PRR14L: variants seen among roughly 807,000 people sequenced by gnomAD.
PRR14L encodes the protein protein PRR14L.
Under a neutral mutation model 155.0 loss-of-function variants are expected in PRR14L, and 80 were observed. The observed-to-expected ratio is 0.52, with a 90% CI of 0.43 to 0.62. PRR14L has a LOEUF of 0.62. Among genes scored for constraint, PRR14L ranks in the 20% least tolerant of loss-of-function variants. PRR14L has a pLI of 0.00. For synonymous variants in PRR14L, 883 were observed against 916.0 expected (o/e 0.96, Z 0.65); for missense variants, 2,469 against 2,548.0 (o/e 0.97, Z 0.67).
At position 31,713,893 on chromosome 22, in the gene PRR14L, C is replaced by T. The variant is rs61461793; in HGVS notation, c.3946G>A (p.Glu1316Lys). 2.0e-3 allele frequency: 3,097 copies of T among 1,551,992 alleles called. 45 individuals are homozygous for T. The African/African-American group carries it at 0.031, about 15-fold the overall frequency. ...KNACKACHPH[E>K]NSSDRHLPLT... The stretch of plus-strand genomic sequence containing the variant: ...GGCAAATGTCTGTCAGAGGAATTCT[C>T]GTGAGGGTGACAAGCTTTGCAAGCA... The change falls in exon 4 of 9, where the codon GAG becomes AAG. Residue 1316 changes from glutamate to lysine, a missense_variant. Physicochemically the swap from Glu to Lys is moderately conservative, Grantham distance 56. Around this residue, in one of 2 missense-constraint regions of PRR14L, gnomAD observed 2,363 missense variants for 2,371.6 expected, o/e 1.00. Coordinates refer to ENST00000327423, the MANE Select transcript of PRR14L (RefSeq NM_173566.3).
At chr22:31,740,576 G>A (rs1356606513) in intron 1 of PRR14L, among the ~76,000 whole-genome samples, 3 of 151,368 alleles carry the variant, frequency 2.0e-5, no homozygotes, top group South Asian at 4.2e-4. Flanking sequence ...GTCCAGGCTC[G>A]TCTCCAACTC....
chr22:31,738,507 CTCCATGCTCTCGCTTCTCTTTGCCCTA>C lies in PRR14L; in HGVS notation c.327_353del (p.Asp109_Met117del), dbSNP rs1257619189. The C allele has an allele frequency of 7.7e-6, 12 of 1,551,950 alleles. No individual in the cohort carries two copies. Among genetic ancestry groups the C allele is most frequent in the East Asian group, 7.3e-5 (3 of 40,936 alleles). On this transcript the variant is annotated inframe_deletion, in exon 2 of 9. Coordinates refer to ENST00000327423, the MANE Select transcript of PRR14L (RefSeq NM_173566.3). ...CCCCTGGATCTCTGAAGACCTTTGG[CTCCATGCTCTCGCTTCTCTTTGCCCTA>C]TCCAAGATCCCAGATGCCACAGAAC...
At chr22:31,742,748 A>G (rs2074819192) in intron 1 of PRR14L, among the ~76,000 whole-genome samples, 1 of 152,196 alleles carries the variant, frequency 6.6e-6, no homozygotes, top group South Asian at 2.1e-4. Context: ...ACATATGTCC[A>G]CATAAAAATT....
At chr22:31,712,054 A>G in intron 4 of PRR14L, 29 bp downstream of exon 4, 1 of 1,560,316 alleles carries the variant, frequency 6.4e-7, no homozygotes, top group Middle Eastern at 1.7e-4. Flanking sequence ...AATATGGGAC[A>G]TTTGTAAAGA....
chr22:31,703,505 C>T (rs1197260942), intron 6 of PRR14L, 45 bp downstream of exon 6: 2 of 1,574,906 alleles, frequency 1.3e-6, no homozygotes, highest in Non-Finnish European at 1.7e-6. Context: ...CAATGGCCAC[C>T]TCCAATGCCA....
At chr22:31,693,494 T>C (rs1271563330) in intron 7 of PRR14L, among the ~76,000 whole-genome samples, 2 of 152,252 alleles carry the variant, frequency 1.3e-5, no homozygotes, top group African/African-American at 4.8e-5. Flanking sequence ...TCTTGGTTGC[T>C]TCCAAGTTTT....
chr22:31,703,818 AAGG>A, intron 5 of PRR14L, 97 bp from the exon 6 acceptor site: 10 of 743,792 alleles, frequency 1.3e-5, no homozygotes, highest in Non-Finnish European at 1.8e-5. Context: ...TTTTTTTGAG[AAGG>A]AGTTTTGCTC....
intron 2 of PRR14L, among the ~76,000 whole-genome samples, chr22:31,737,312 C>T (rs1016915668): frequency 6.6e-6 from 1 of 151,780 alleles, no homozygotes; most frequent in African/African-American, 2.4e-5. Context: ...GAAGCCCTAT[C>T]TCTACTAAAA....
At chr22:31,700,521 G>A (rs142939656) in intron 7 of PRR14L, among the ~76,000 whole-genome samples, 6 of 152,316 alleles carry the variant, frequency 3.9e-5, no homozygotes, top group African/African-American at 9.6e-5. Flanking sequence ...GCACTATAAC[G>A]GAGGTAGTAC....
Position 31,715,294 on chromosome 22 carries a change from C to G in PRR14L, c.2545G>C (p.Val849Leu). The G allele has an allele frequency of 6.4e-7, 1 of 1,552,206 alleles. No individual in the cohort carries two copies. Among genetic ancestry groups the G allele is most frequent in the Non-Finnish European group, 8.7e-7 (1 of 1,147,114 alleles). Residue 849 changes from valine to leucine, a missense_variant, in exon 4 of 9, where the codon GTG (valine) becomes CTG (leucine). Val to Leu is a conservative substitution (Grantham distance 32). This residue lies in a region of PRR14L where 2,363 missense variants were observed against 2,371.6 expected (regional missense o/e 1.00). Coordinates refer to ENST00000327423, the MANE Select transcript of PRR14L (RefSeq NM_173566.3). ...TCCCTTTCCTGTGATGTGTAACTCA[C>G]TTTACAGCTGCTTTTTTCCACAGAG... ...GHSVEKSSCK[V>L]SYTSQERELD... is the part of the protein sequence containing the mutation.
At chr22:31,707,239 A>G (rs1045759945) in intron 4 of PRR14L, among the ~76,000 whole-genome samples, 1 of 152,206 alleles carries the variant, frequency 6.6e-6, no homozygotes, top group African/African-American at 2.4e-5. Context: ...GAAAATTTTC[A>G]ACACCAGGAA....
chr22:31,685,494 C>G lies in PRR14L; in HGVS notation c.*33G>C. On this transcript the variant is annotated 3_prime_UTR_variant, in exon 9 of 9. Transcript: ENST00000327423. ...CAAAAACAAAACAAAACAAAAAAAC[C>G]CTAAAATTGAGACCCTCAAACTGAA... 2 of 1,480,622 alleles carry G rather than the reference C, an allele frequency of 1.4e-6. No individual in the cohort carries two copies. Among genetic ancestry groups the G allele is most frequent in the South Asian group, 2.7e-5 (2 of 74,648 alleles). 91.7% of individuals were successfully genotyped at this position (1,480,622 alleles called of 1,614,324 possible).
chr22:31,733,324 A>C (rs1343356982), intron 2 of PRR14L, among the ~76,000 whole-genome samples: 1 of 44,262 alleles, frequency 2.3e-5, no homozygotes, highest in Non-Finnish European at 3.9e-5. Context: ...TTTTTTTTTG[A>C]GACGGAGTCT....
At chr22:31,727,166 A>T (rs1000898287) in intron 2 of PRR14L, among the ~76,000 whole-genome samples, 15 of 151,862 alleles carry the variant, frequency 9.9e-5, no homozygotes, top group African/African-American at 3.4e-4. Flanking sequence ...TGGAGGCCCC[A>T]AAATACCCTG....
In PRR14L at chr22:31,685,494, C is replaced by A; in HGVS notation, c.*33G>T. 3 of 1,480,582 alleles carry A rather than the reference C, an allele frequency of 2.0e-6. No homozygotes were observed. Among genetic ancestry groups the A allele is most frequent in the East Asian group, 2.5e-5 (1 of 39,890 alleles). The allele number at this position is 1,480,582 out of a possible 1,614,324, so 91.7% of individuals were successfully genotyped here. The stretch of plus-strand genomic sequence containing the variant: ...CAAAAACAAAACAAAACAAAAAAAC[C>A]CTAAAATTGAGACCCTCAAACTGAA... On this transcript the variant is annotated 3_prime_UTR_variant, in exon 9 of 9. Coordinates refer to ENST00000327423, the MANE Select transcript of PRR14L (RefSeq NM_173566.3).
At position 31,688,241 on chromosome 22, in the gene PRR14L, A is replaced by C; in HGVS notation, c.6108-14T>G. ...TTCTTCTTTAACCTGAAAAGAAATA[A>C]GGAAAAAAATTCTTCAGGTTCTCTC... On this transcript the variant is annotated splice_polypyrimidine_tract_variant and intron_variant, in intron 7 of 8. Coordinates refer to ENST00000327423, the MANE Select transcript of PRR14L (RefSeq NM_173566.3). 1 of 1,568,644 alleles carries C rather than the reference A, an allele frequency of 6.4e-7. No homozygotes were observed. Among genetic ancestry groups the C allele is most frequent in the Non-Finnish European group, 8.6e-7 (1 of 1,161,530 alleles).
At chr22:31,720,533 G>C (rs369639836) in intron 3 of PRR14L, among the ~76,000 whole-genome samples, 4 of 152,132 alleles carry the variant, frequency 2.6e-5, no homozygotes, top group Non-Finnish European at 5.9e-5. Context: ...AGGAGTTCAA[G>C]ACCAGCCTGG....
chr22:31,737,554 G>A (rs569305966), intron 2 of PRR14L, among the ~76,000 whole-genome samples: 9 of 151,826 alleles, frequency 5.9e-5, no homozygotes, highest in East Asian at 3.9e-4. Flanking sequence ...TTCAGAAGCC[G>A]AGGTGGGAAG....
Position 31,712,829 on chromosome 22 carries a change from C to A in PRR14L, c.5010G>T (p.Leu1670=). The A allele has an allele frequency of 6.4e-7, 1 of 1,552,140 alleles. No individual in the cohort carries two copies. Among genetic ancestry groups the A allele is most frequent in the Non-Finnish European group, 8.7e-7 (1 of 1,147,094 alleles). The part of the protein sequence containing the change: ...LDGFSSSTEQ[L]NPYLAASGWD... ...ATCCACTAGCTGCCAAATATGGATT[C>A]AGCTGCTCTGTGCTGGATGAAAATC... is the stretch of plus-strand genomic sequence containing the variant. Residue 1670 remains leucine (L), a synonymous_variant, in exon 4 of 9, where the codon CTG becomes CTT. Transcript: ENST00000327423.
Sources: allele counts gnomAD v4.1 joint callset (sites outside exome capture counted in the v4.1 genomes callset), GRCh38; gene constraint gnomAD v4.1.1; regional missense constraint gnomAD v4.1.1; transcripts MANE v1.5; gene names NCBI Gene and HGNC (gene_info 2026-07-23, HGNC 2026-07-21).